APBA2: variants seen among roughly 807,000 people sequenced by gnomAD.
APBA2 encodes the protein amyloid-beta A4 precursor protein-binding family A member 2.
Under a neutral mutation model 75.0 loss-of-function variants are expected in APBA2, and 30 were observed. That is an observed-to-expected ratio of 0.40 (90% confidence interval 0.30 to 0.54). The LOEUF (loss-of-function observed/expected upper bound fraction) is 0.54. APBA2 is among the 20% of genes least tolerant of loss of function. The pLI, the probability that APBA2 is intolerant of heterozygous loss-of-function variation, is 0.49. For synonymous variants in APBA2, 444 were observed against 409.6 expected (o/e 1.08, Z -1.01); for missense variants, 801 against 1,016.1 (o/e 0.79, Z 2.88).
At chr15:29,098,189 A>T (rs2043943657) in intron 8 of APBA2, among the ~76,000 whole-genome samples, 1 of 152,114 alleles carries the variant, frequency 6.6e-6, no homozygotes, top group Admixed American at 6.5e-5. Flanking sequence ...GCTGGATCAC[A>T]TGGTGGTTGT....
intron 3 of APBA2, among the ~76,000 whole-genome samples, chr15:29,012,838 C>G (rs2039464893): frequency 6.6e-6 from 1 of 152,166 alleles, no homozygotes; most frequent in Non-Finnish European, 1.5e-5. Context: ...TCTGCTTAGG[C>G]CTATTGCCTC....
At chr15:28,931,009 C>T (rs1017444292) in intron 2 of APBA2, among the ~76,000 whole-genome samples, 2 of 152,186 alleles carry the variant, frequency 1.3e-5, no homozygotes, top group Non-Finnish European at 2.9e-5. Context: ...ACTCGGGTGC[C>T]GCGTCCGCAG....
chr15:28,932,600 G>A (rs190486891), intron 2 of APBA2, among the ~76,000 whole-genome samples: 5 of 152,314 alleles, frequency 3.3e-5, no homozygotes, highest in Admixed American at 1.3e-4. Context: ...GATGGTGGAC[G>A]GCCCCATAGG....
intron 3 of APBA2, among the ~76,000 whole-genome samples, chr15:29,051,723 T>C (rs1476073629): frequency 6.6e-6 from 1 of 152,156 alleles, no homozygotes; most frequent in Non-Finnish European, 1.5e-5. Flanking sequence ...TCTGGGGGGA[T>C]ACACAATATG....
At position 28,991,949 on chromosome 15, in the gene APBA2, TGCA is replaced by T. The variant is rs2152785478; in HGVS notation, c.-94-3801_-94-3799del. 6.6e-6 allele frequency among the ~76,000 whole-genome samples: 1 copy of T among 152,336 alleles called. No individual in the cohort carries two copies. The highest frequency in any genetic ancestry group is 1.9e-4 in the East Asian group (1 of 5,184). On this transcript the variant is annotated intron_variant, in intron 2 of 14. Coordinates refer to ENST00000683413, the MANE Select transcript of APBA2 (RefSeq NM_001353788.2). The surrounding 1 kb of genome is among the most constrained non-coding windows in gnomAD (Gnocchi z 4.7). ...GCGTTGCCCATTTCACTCTGGGAAA[TGCA>T]GCCATAGCTCTGGGGCCAGCTAGAG...
At chr15:28,899,157 A>G (rs2032694367) in intron 1 of APBA2, among the ~76,000 whole-genome samples, 1 of 152,242 alleles carries the variant, frequency 6.6e-6, no homozygotes, top group South Asian at 2.1e-4. Flanking sequence ...ATGTCCTCGC[A>G]GCCCAGAAGT....
At chr15:28,999,849 C>T (rs2038748850) in intron 3 of APBA2, among the ~76,000 whole-genome samples, 1 of 152,168 alleles carries the variant, frequency 6.6e-6, no homozygotes, top group African/African-American at 2.4e-5. Context: ...CATCTGCAAG[C>T]TGGAGACCCA....
intron 4 of APBA2, among the ~76,000 whole-genome samples, chr15:29,058,797 C>T (rs929737929): frequency 2.0e-5 from 3 of 152,098 alleles, no homozygotes; most frequent in African/African-American, 7.2e-5. Context: ...TATTTCAAAG[C>T]ACTGCAAGTT....
chr15:29,088,514 CTT>C (rs1722709073), intron 6 of APBA2, among the ~76,000 whole-genome samples: 2 of 152,176 alleles, frequency 1.3e-5, no homozygotes, highest in African/African-American at 4.8e-5. Flanking sequence ...GCGTCCTCAT[CTT>C]CTCTCAGACT....
intron 4 of APBA2, among the ~76,000 whole-genome samples, chr15:29,066,980 A>AG (rs1450611288): frequency 6.6e-6 from 1 of 152,210 alleles, no homozygotes; most frequent in Non-Finnish European, 1.5e-5. Context: ...GGGAGGCCTC[A>AG]GGAAGCCTTC....
chr15:29,017,401 T>C (rs796956823), intron 3 of APBA2, among the ~76,000 whole-genome samples: 117 of 121,464 alleles, frequency 9.6e-4, no homozygotes, highest in South Asian at 1.3e-3. Flanking sequence ...TTCTTTCTTT[T>C]TTTTTTTTTT....
At chr15:29,113,133 T>C (rs1596008780) in intron 13 of APBA2, among the ~76,000 whole-genome samples, 1 of 152,266 alleles carries the variant, frequency 6.6e-6, no homozygotes, top group East Asian at 1.9e-4. Context: ...TGAACACTGC[T>C]GCTGTGAACA....
At chr15:29,009,047 C>T (rs1311754115) in intron 3 of APBA2, among the ~76,000 whole-genome samples, 1 of 152,198 alleles carries the variant, frequency 6.6e-6, no homozygotes, top group Non-Finnish European at 1.5e-5. Flanking sequence ...GGATCCTCCC[C>T]AAGAGCCTTG....
chr15:28,924,598 A>C (rs979461134), intron 2 of APBA2, among the ~76,000 whole-genome samples: 7 of 152,236 alleles, frequency 4.6e-5, no homozygotes, highest in African/African-American at 1.7e-4. Context: ...TCAGAACTTC[A>C]GTCCTTTCTA....
intron 4 of APBA2, among the ~76,000 whole-genome samples, chr15:29,056,755 T>A (rs951746349): frequency 2.6e-5 from 4 of 151,452 alleles, no homozygotes; most frequent in African/African-American, 9.7e-5. Context: ...AGTACCCTGG[T>A]GCCAGGGGCC....
At chr15:28,955,839 C>T (rs2036139260) in intron 2 of APBA2, among the ~76,000 whole-genome samples, 1 of 152,208 alleles carries the variant, frequency 6.6e-6, no homozygotes, top group Non-Finnish European at 1.5e-5. Context: ...TTCCATTGCA[C>T]TGGGTGTGTT....
intron 2 of APBA2, among the ~76,000 whole-genome samples, chr15:28,926,908 G>T (rs1182115128): frequency 6.8e-6 from 1 of 147,916 alleles, no homozygotes; most frequent in East Asian, 2.0e-4. Flanking sequence ...CCAGGCTGGA[G>T]TGCAGTGGTG....
At chr15:29,115,481 G>C (rs534459332) in intron 14 of APBA2, among the ~76,000 whole-genome samples, 1 of 152,244 alleles carries the variant, frequency 6.6e-6, no homozygotes, top group African/African-American at 2.4e-5. Context: ...TTCCCAAGTA[G>C]ATGCTTTGAA....
At chr15:29,094,922 C>T (rs561524225) in intron 8 of APBA2, among the ~76,000 whole-genome samples, 54 of 147,844 alleles carry the variant, frequency 3.7e-4, no homozygotes, top group African/African-American at 1.3e-3. Flanking sequence ...TTTTAATTAG[C>T]TGGTCATGAT....
Sources: allele counts gnomAD v4.1 joint callset (sites outside exome capture counted in the v4.1 genomes callset), GRCh38; gene constraint gnomAD v4.1.1; non-coding constraint Gnocchi (gnomAD v3.1); transcripts MANE v1.5; gene names NCBI Gene and HGNC (gene_info 2026-07-23, HGNC 2026-07-21).